The following SUPT6H variants were observed in gnomAD, a reference collection of about 807,000 sequenced individuals.
The protein encoded by SUPT6H is SPT6 homolog, histone chaperone and transcription elongation factor, also known as transcription elongation factor SPT6.
Under a neutral mutation model 222.3 loss-of-function variants are expected in SUPT6H, and 11 were observed. The ratio of observed to expected loss-of-function variants is 0.05; its 90% CI spans 0.03 to 0.08. The LOEUF (loss-of-function observed/expected upper bound fraction) is 0.08. SUPT6H is among the 10% of genes least tolerant of loss of function. SUPT6H has a pLI of 1.00. For synonymous variants in SUPT6H, 762 were observed against 801.2 expected (o/e 0.95, Z 0.83); for missense variants, 1,422 against 2,216.0 (o/e 0.64, Z 7.19).
intron 27 of SUPT6H, among the ~76,000 whole-genome samples, chr17:28,693,015 A>C (rs1199972337): frequency 1.3e-5 from 2 of 150,060 alleles, no homozygotes; most frequent in Admixed American, 1.3e-4. Context: ...AAAAAAAAAA[A>C]AAAGATTACC....
intron 34 of SUPT6H, 24 bp from the exon 35 acceptor site, chr17:28,700,322 C>T (rs1397050489): frequency 5.0e-6 from 8 of 1,614,018 alleles, no homozygotes; most frequent in Non-Finnish European, 6.8e-6. Context: ...TAACATGCCC[C>T]TCCCCACCTC....
rs1245841141 is a variant in SUPT6H, at chr17:28,674,326, A to G, written c.153A>G (p.Gln51=). The change falls in exon 3 of 37, where the codon CAA becomes CAG. Residue 51 remains glutamine (Q), a synonymous_variant. Transcript: ENST00000314616. ...EEENLDDQDE[Q]GNLKGFINDD... ...AGAACCTAGATGATCAGGATGAGCA[A>G]GGCAACTTGAAAGGCTTTATCAATG... is the stretch of plus-strand genomic sequence containing the variant. 1.2e-6 allele frequency: 2 copies of G among 1,614,056 alleles called. No individual in the cohort carries two copies. The highest frequency in any genetic ancestry group is 1.7e-5 in the Admixed American group (1 of 60,006).
At chr17:28,692,894 G>A (rs1217262330) in intron 27 of SUPT6H, among the ~76,000 whole-genome samples, 4 of 147,832 alleles carry the variant, frequency 2.7e-5, no homozygotes, top group African/African-American at 7.6e-5. Context: ...CCAGCTACTC[G>A]GGAGGCAGAG....
chr17:28,677,780 C>T lies in SUPT6H; in HGVS notation c.963C>T (p.Tyr321=), dbSNP rs761112875. Residue 321 remains tyrosine (Y), a synonymous_variant, in exon 8 of 37, where the codon TAC becomes TAT. Coordinates refer to ENST00000314616, the MANE Select transcript of SUPT6H (RefSeq NM_003170.5). ...DELEEEADWI[Y]RNAFATPTIS... is the part of the protein sequence containing the mutation. Reference sequence around the variant, plus strand: ...TAGAAGAAGAAGCTGACTGGATCTACAGGAATGCTTTTGCCACACCAACCA... The same window carrying T: ...TAGAAGAAGAAGCTGACTGGATCTATAGGAATGCTTTTGCCACACCAACCA... 5.3e-5 allele frequency: 86 copies of T among 1,614,078 alleles called. No homozygotes were observed. The highest frequency in any genetic ancestry group is 6.8e-5 in the Non-Finnish European group (80 of 1,180,032).
At chr17:28,693,915 C>A in intron 28 of SUPT6H, 79 bp downstream of exon 28, 2 of 1,584,280 alleles carry the variant, frequency 1.3e-6, no homozygotes, top group Non-Finnish European at 8.6e-7. Flanking sequence ...GGGCTGTCCC[C>A]ACCAGAAGTT....
chr17:28,675,715 GC>G (rs2151619270), intron 6 of SUPT6H, among the ~76,000 whole-genome samples: 1 of 152,326 alleles, frequency 6.6e-6, no homozygotes, highest in East Asian at 1.9e-4. Context: ...TCCCACATGG[GC>G]AAGGCTCCAG....
rs903011855 is a variant in SUPT6H, at chr17:28,681,910, G to T, written c.1527G>T (p.Glu509Asp). 1 of 1,610,404 alleles carries T rather than the reference G, an allele frequency of 6.2e-7. No individual in the cohort carries two copies. Among genetic ancestry groups the T allele is most frequent in the Non-Finnish European group, 8.5e-7 (1 of 1,179,128 alleles). ...AAGGTGACGAGGCAGAAGATGAGGA[G>T]CAGAGGGGGCCTGAGCTCAAGCAAG... ...EGEGDEAEDE[E>D]QRGPELKQAS... The change falls in exon 13 of 37, where the codon GAG becomes GAT. Residue 509 changes from glutamate (E) to aspartate (D), a missense_variant. This residue lies in a region of SUPT6H where 389 missense variants were observed against 544.6 expected (regional missense o/e 0.71). Transcript: ENST00000314616.
chr17:28,695,130 T>C, intron 28 of SUPT6H: 1 of 510,218 alleles, frequency 2.0e-6, no homozygotes, highest in Non-Finnish European at 3.5e-6. Context: ...TCAGCTGGTT[T>C]TCCTGCCCAG....
At chr17:28,676,801 C>T (rs1001396714) in intron 7 of SUPT6H, among the ~76,000 whole-genome samples, 1 of 151,744 alleles carries the variant, frequency 6.6e-6, no homozygotes, top group Non-Finnish European at 1.5e-5. Context: ...ATGGTGCACA[C>T]CTGTAGTTTC....
intron 9 of SUPT6H, 40 bp downstream of exon 9, chr17:28,678,232 T>C: frequency 6.5e-7 from 1 of 1,550,116 alleles, no homozygotes; most frequent in Non-Finnish European, 8.9e-7. Flanking sequence ...GTGAGAAATT[T>C]AGTTAGGGGA....
chr17:28,697,857 G>A (rs1355486731), intron 31 of SUPT6H, 49 bp from the exon 32 acceptor site: 5 of 1,609,738 alleles, frequency 3.1e-6, no homozygotes, highest in African/African-American at 1.3e-5. Flanking sequence ...CAGACGTTGT[G>A]TACCAAGCAT....
At chr17:28,678,277 G>T in intron 9 of SUPT6H, 85 bp downstream of exon 9, 3 of 1,256,672 alleles carry the variant, frequency 2.4e-6, no homozygotes, top group South Asian at 1.3e-5. Context: ...TGAGGTGGGA[G>T]CCCCCTTCCC....
intron 29 of SUPT6H, 71 bp from the exon 30 acceptor site, chr17:28,696,773 C>T (rs893359572): frequency 1.5e-6 from 2 of 1,356,980 alleles, no homozygotes; most frequent in Admixed American, 1.7e-5. Context: ...GAAATGAAGG[C>T]CTGGTTTGTC....
chr17:28,677,629 C>A, intron 7 of SUPT6H, 86 bp from the exon 8 acceptor site: 1 of 902,974 alleles, frequency 1.1e-6, no homozygotes, highest in South Asian at 1.5e-5. Flanking sequence ...ACTTGATGAT[C>A]ACACGTTTCT....
At position 28,688,079 on chromosome 17, in the gene SUPT6H, T is replaced by G; in HGVS notation, c.3007-12T>G. On this transcript the variant is annotated splice_polypyrimidine_tract_variant and intron_variant, in intron 23 of 36. Transcript: ENST00000314616. The surrounding 1 kb of genome is among the most constrained non-coding windows in gnomAD (Gnocchi z 4.3). Reference sequence around the variant, plus strand: ...GCTTACTGCCCTGGCTCAGTCCAGCTCTCTCCCCCAGATCCTGAAGCAGAA... The same window carrying G: ...GCTTACTGCCCTGGCTCAGTCCAGCGCTCTCCCCCAGATCCTGAAGCAGAA... 2 of 1,606,924 alleles carry G rather than the reference T, an allele frequency of 1.2e-6. No homozygotes were observed. Among genetic ancestry groups the G allele is most frequent in the Non-Finnish European group, 1.7e-6 (2 of 1,175,620 alleles).
chr17:28,672,444 G>C (rs1188906530), intron 1 of SUPT6H, among the ~76,000 whole-genome samples: 3 of 147,748 alleles, frequency 2.0e-5, no homozygotes, highest in African/African-American at 5.0e-5. Context: ...GGCAGATTTT[G>C]CTCTTGTTGC....
chr17:28,684,256 G>T (rs1314535384), intron 17 of SUPT6H, among the ~76,000 whole-genome samples: 1 of 152,040 alleles, frequency 6.6e-6, no homozygotes, highest in Non-Finnish European at 1.5e-5. Context: ...GGAGAAACAC[G>T]GGGGGCAGGT....
chr17:28,687,379 G>A lies in SUPT6H; in HGVS notation c.2914G>A (p.Asp972Asn), dbSNP rs1226897353. 6.2e-7 allele frequency: 1 copy of A among 1,614,150 alleles called. No individual in the cohort carries two copies. Among genetic ancestry groups the A allele is most frequent in the South Asian group, 1.1e-5 (1 of 91,078 alleles). ...CAACCGAGTCAATGAGGTCGGGGTC[G>A]ATGTCAACCGTGCCATTGCCCACCC... The part of the protein sequence containing the change: ...FINRVNEVGV[D>N]VNRAIAHPYS... Residue 972 changes from aspartate to asparagine, a missense_variant, in exon 23 of 37, where the codon GAT (aspartate) becomes AAT (asparagine). Physicochemically the swap from Asp to Asn is conservative, Grantham distance 23. Around this residue, in one of 13 missense-constraint regions of SUPT6H, gnomAD observed 294 missense variants for 382.1 expected, o/e 0.77. Coordinates refer to ENST00000314616, the MANE Select transcript of SUPT6H (RefSeq NM_003170.5).
intron 1 of SUPT6H, among the ~76,000 whole-genome samples, chr17:28,662,750 C>G (rs1459634586): frequency 2.6e-5 from 4 of 152,192 alleles, no homozygotes; most frequent in Non-Finnish European, 5.9e-5. Context: ...GGCCATCAGG[C>G]TAGAGGGCGA....
Sources: allele counts gnomAD v4.1 joint callset (sites outside exome capture counted in the v4.1 genomes callset), GRCh38; gene constraint gnomAD v4.1.1; regional missense constraint gnomAD v4.1.1; non-coding constraint Gnocchi (gnomAD v3.1); transcripts MANE v1.5; gene names NCBI Gene and HGNC (gene_info 2026-07-23, HGNC 2026-07-21).